Variants in PCDHGA8 observed in about 807,000 individuals in gnomAD.
PCDHGA8 encodes protocadherin gamma subfamily A, 8, also known as protocadherin gamma-A8.
PCDHGA8 carries 45 observed loss-of-function variants against 59.2 expected under a neutral mutation model. The observed-to-expected ratio is 0.76, with a 90% CI of 0.60 to 0.98. The LOEUF is 0.98. Among genes scored for constraint, PCDHGA8 ranks in the 50% least tolerant of loss-of-function variants. PCDHGA8 has a pLI of 0.00. For missense variants in PCDHGA8, 1,257 were observed against 1,196.2 expected (o/e 1.05, Z -0.75); for synonymous variants, 531 against 519.0 (o/e 1.02, Z -0.32).
intron 2 of PCDHGA8, among the ~76,000 whole-genome samples, chr5:141,505,122 A>G (rs2099843899): frequency 6.6e-6 from 1 of 152,194 alleles, no homozygotes; most frequent in Non-Finnish European, 1.5e-5. Context: ...AGATCGCGCC[A>G]CTGCACTCCA....
rs2099692814 is a variant in PCDHGA8 at position 141,489,840 on chromosome 5, G to A, written c.2425-4967G>A. 6.2e-7 allele frequency: 1 copy of A among 1,614,190 alleles called. No individual in the cohort carries two copies. The highest frequency in any genetic ancestry group is 8.5e-7 in the Non-Finnish European group (1 of 1,179,990). On this transcript the variant is annotated intron_variant, in intron 1 of 3. Coordinates refer to ENST00000398604, the MANE Select transcript of PCDHGA8 (RefSeq NM_032088.2). The surrounding 1 kb of genome is among the most constrained non-coding windows in gnomAD (Gnocchi z 4.5). ...CAGAGCTGGTGCTAGAGCAGCAGCT[G>A]GATCGTGAAGCCCAGGCAAGACATC... is the stretch of plus-strand genomic sequence containing the variant.
Position 141,415,740 on chromosome 5 carries a change from GTTTTTTTTTTTTTTTT to G in PCDHGA8, c.2424+20520_2424+20535del, listed in dbSNP as rs57426385. 54 of 625,040 alleles carry G rather than the reference GTTTTTTTTTTTTTTTT, an allele frequency of 8.6e-5. 1 individual carries two copies. The East Asian group carries it at 1.4e-3, about 16-fold the overall frequency. The allele number at this position is 625,040 out of a possible 1,614,324, so 38.7% of individuals were successfully genotyped here. ...TGAGTAGAATTTGATGTTTATTAAG[GTTTTTTTTTTTTTTTT>G]TTTTTTTTTTTTTTTTACTTTCTGG... On this transcript the variant is annotated intron_variant, in intron 1 of 3. Transcript: ENST00000398604.
intron 2 of PCDHGA8, among the ~76,000 whole-genome samples, chr5:141,497,543 T>C (rs896069181): frequency 4.7e-5 from 7 of 149,068 alleles, no homozygotes; most frequent in Non-Finnish European, 9.0e-5. Context: ...AACAAACCTT[T>C]TTTTTTTTTT....
At position 141,491,201 on chromosome 5, in the gene PCDHGA8, C is replaced by T. The variant is rs752813291; in HGVS notation, c.2425-3606C>T. The T allele has an allele frequency of 3.7e-6, 6 of 1,614,226 alleles. No homozygotes were observed. The Admixed American group carries it at 5.0e-5, about 13-fold the overall frequency. On this transcript the variant is annotated intron_variant, in intron 1 of 3. Transcript: ENST00000398604. This position sits in a 1 kb window ranked among gnomAD's most constrained non-coding sequence, Gnocchi z 6.9. ...GTCCTGGTGAGGGACAATGGTGACCCTTCACTCTCCTCCACAGCCACAGTG... is the reference window on the plus strand; with the variant it reads ...GTCCTGGTGAGGGACAATGGTGACCTTTCACTCTCCTCCACAGCCACAGTG...
At position 141,399,853 on chromosome 5, in the gene PCDHGA8, C is replaced by T. The variant is rs530551805; in HGVS notation, c.2424+4616C>T. 48 of 1,612,978 alleles carry T rather than the reference C, an allele frequency of 3.0e-5. 1 individual carries two copies. In the East Asian group the frequency reaches 9.4e-4, roughly 31 times the overall value. On this transcript the variant is annotated intron_variant, in intron 1 of 3. Transcript: ENST00000398604. ...CTCTGCGCTCTTCGATATGGTGCCGCGCGCTGCAGAGCCCGGCTACCTGGT... is the reference window on the plus strand; with the variant it reads ...CTCTGCGCTCTTCGATATGGTGCCGTGCGCTGCAGAGCCCGGCTACCTGGT...
At chr5:141,500,509 G>A (rs1048476645) in intron 2 of PCDHGA8, among the ~76,000 whole-genome samples, 19 of 152,100 alleles carry the variant, frequency 1.2e-4, no homozygotes, top group South Asian at 4.2e-4. Context: ...GCGCCTGGCC[G>A]AGCTTCATTT....
chr5:141,399,203 G>C, intron 1 of PCDHGA8: 1 of 1,613,940 alleles, frequency 6.2e-7, no homozygotes, highest in Middle Eastern at 1.6e-4. Context: ...GCGGTGCCTG[G>C]AACACTAATT....
Position 141,404,638 on chromosome 5 carries a change from C to T in PCDHGA8, c.2424+9401C>T, listed in dbSNP as rs776247476. On this transcript the variant is annotated intron_variant, in intron 1 of 3. Coordinates refer to ENST00000398604, the MANE Select transcript of PCDHGA8 (RefSeq NM_032088.2). Reference sequence around the variant, plus strand: ...ACCAGAATGACAATGCCCCAGAAATCCTGTACCCTGCCCTCCCCACTGATG... The same window carrying T: ...ACCAGAATGACAATGCCCCAGAAATTCTGTACCCTGCCCTCCCCACTGATG... 5 of 1,614,194 alleles carry T rather than the reference C, an allele frequency of 3.1e-6. No homozygotes were observed. In the South Asian group the frequency reaches 5.5e-5, roughly 18 times the overall value.
rs373591066 is a variant in PCDHGA8, at chr5:141,404,487, G to T, written c.2424+9250G>T. 8 of 1,613,840 alleles carry T rather than the reference G, an allele frequency of 5.0e-6. No homozygotes were observed. In the East Asian group the frequency reaches 1.8e-4, roughly 36 times the overall value. The stretch of plus-strand genomic sequence containing the variant: ...TATGTCTCTATTAACTCAGACACTG[G>T]TGTGCTGTATGCTCTGTGCTCCTTT... On this transcript the variant is annotated intron_variant, in intron 1 of 3. Transcript: ENST00000398604.
Position 141,496,029 on chromosome 5 carries a change from C to T in PCDHGA8, c.2483+1164C>T, listed in dbSNP as rs548231443. ...TTGTCTTTTTTCTCTGAGCCTCTGTCTCTGTCTCTCATTTTTTTGTGCTTG... is the reference window on the plus strand; with the variant it reads ...TTGTCTTTTTTCTCTGAGCCTCTGTTTCTGTCTCTCATTTTTTTGTGCTTG... On this transcript the variant is annotated intron_variant, in intron 2 of 3. Coordinates refer to ENST00000398604, the MANE Select transcript of PCDHGA8 (RefSeq NM_032088.2). Among the ~76,000 whole-genome samples, 3 of 152,088 alleles carry T rather than the reference C, an allele frequency of 2.0e-5. No individual in the cohort carries two copies. In the East Asian group the frequency reaches 5.8e-4, roughly 29 times the overall value.
At chr5:141,396,795 G>T (rs1022475514) in intron 1 of PCDHGA8, among the ~76,000 whole-genome samples, 1 of 152,180 alleles carries the variant, frequency 6.6e-6, no homozygotes, top group Admixed American at 6.5e-5. Context: ...ATTTCCTAAG[G>T]ATTGTGTAGT....
intron 1 of PCDHGA8, chr5:141,395,935 A>T (rs950567838): frequency 6.6e-6 from 1 of 152,118 alleles, no homozygotes; most frequent in Non-Finnish European, 1.5e-5. Context: ...TAGAATGTCC[A>T]TTGCTCCCCC....
At chr5:141,464,618 C>G (rs1425657373) in intron 1 of PCDHGA8, among the ~76,000 whole-genome samples, 2 of 152,092 alleles carry the variant, frequency 1.3e-5, no homozygotes, top group Non-Finnish European at 2.9e-5. Context: ...AGTATATTGT[C>G]AAGCTTTTTA....
intron 1 of PCDHGA8, among the ~76,000 whole-genome samples, chr5:141,461,415 T>C (rs2099015091): frequency 6.6e-6 from 1 of 152,152 alleles, no homozygotes; most frequent in Non-Finnish European, 1.5e-5. Flanking sequence ...TTTCATATGT[T>C]TGTGGGCCAT....
intron 1 of PCDHGA8, chr5:141,414,940 G>C: frequency 7.4e-6 from 12 of 1,614,104 alleles, no homozygotes; most frequent in Non-Finnish European, 9.3e-6. Context: ...CGCAGAGCCC[G>C]GCTACCTGGT....
At chr5:141,472,980 C>CAAAAAAAAAAAAAAAAAAA (rs60579131) in intron 1 of PCDHGA8, among the ~76,000 whole-genome samples, 6 of 86,104 alleles carry the variant, frequency 7.0e-5, no homozygotes, top group African/African-American at 1.2e-4. Context: ...GAGTGAAACT[C>CAAAAAAAAAAAAAAAAAAA]AAAAAAAAAA....
intron 1 of PCDHGA8, among the ~76,000 whole-genome samples, chr5:141,464,049 G>C (rs1330340459): frequency 6.6e-6 from 1 of 152,124 alleles, no homozygotes; most frequent in Admixed American, 6.5e-5. Context: ...TGGATCACCT[G>C]AGGTCAGGAG....
rs2093964070 is a variant in PCDHGA8, at chr5:141,400,115, G to A, written c.2424+4878G>A. On this transcript the variant is annotated intron_variant, in intron 1 of 3. Coordinates refer to ENST00000398604, the MANE Select transcript of PCDHGA8 (RefSeq NM_032088.2). ...ACGCTGCACTTGGTCTTTGCTGACA[G>A]CTTGCAGGAGGTGCTGCCGGATATC... The A allele has an allele frequency of 1.9e-6, 3 of 1,613,966 alleles. No individual in the cohort carries two copies. The African/African-American group carries it at 4.0e-5, about 22-fold the overall frequency.
chr5:141,429,169 T>TACACACACACACACAC (rs10667977), intron 1 of PCDHGA8: 2 of 145,394 alleles, frequency 1.4e-5, no homozygotes, highest in East Asian at 2.0e-4. Flanking sequence ...ACATTGTTTA[T>TACACACACACACACAC]ACACACACAC....
Sources: gnomAD v4.1 joint callset for allele counts (sites outside exome capture counted in the v4.1 genomes callset) on GRCh38, gnomAD v4.1.1 for gene constraint, Gnocchi (gnomAD v3.1) non-coding constraint, MANE v1.5 for transcripts, NCBI Gene and HGNC (gene_info 2026-07-23, HGNC 2026-07-21) for gene names.